CSTPP1: variants seen among roughly 807,000 people sequenced by gnomAD.
CSTPP1 encodes the protein centriolar satellite-associated tubulin polyglutamylase complex regulator 1.
chr11:47,052,231 C>G, the CSTPP1 span: 1 of 903,950 alleles, frequency 1.1e-6, no homozygotes, highest in Non-Finnish European at 1.6e-6. Context: ...AAGAGACTTC[C>G]CCATAGAAGG....
At chr11:47,083,047 C>T in the CSTPP1 span, among the ~76,000 whole-genome samples, 180 of 151,986 alleles carry the variant, frequency 1.2e-3, no homozygotes, top group African/African-American at 4.1e-3. Context: ...ACCTCACCCC[C>T]CAACAGGCCC....
At chr11:47,076,726 C>T in the CSTPP1 span, among the ~76,000 whole-genome samples, 975 of 151,894 alleles carry the variant, frequency 6.4e-3, 33 homozygotes, top group Admixed American at 0.056. Flanking sequence ...CCCAGCTACT[C>T]GGGAGACTGA....
chr11:46,956,119 A>G, the CSTPP1 span, among the ~76,000 whole-genome samples: 2 of 152,134 alleles, frequency 1.3e-5, no homozygotes, highest in Non-Finnish European at 1.5e-5. Context: ...AGACACTCCA[A>G]GCATTAAATG....
chr11:46,988,071 G>A, the CSTPP1 span, among the ~76,000 whole-genome samples: 1 of 152,148 alleles, frequency 6.6e-6, no homozygotes. Context: ...AACAAATGCT[G>A]GCGAGGATGT....
chr11:47,004,140 G>T, the CSTPP1 span, among the ~76,000 whole-genome samples: 2 of 143,740 alleles, frequency 1.4e-5, no homozygotes, highest in Non-Finnish European at 3.0e-5. Flanking sequence ...GTTTTTTGTT[G>T]TTGTTGTTGT....
At chr11:47,097,208 C>T in the CSTPP1 span, among the ~76,000 whole-genome samples, 1 of 119,904 alleles carries the variant, frequency 8.3e-6, no homozygotes, top group Non-Finnish European at 1.8e-5. Flanking sequence ...GGCGCCTCTG[C>T]CCAGCCGCCC....
At chr11:46,973,045 T>C in the CSTPP1 span, among the ~76,000 whole-genome samples, 1 of 152,196 alleles carries the variant, frequency 6.6e-6, no homozygotes, top group Admixed American at 6.5e-5. Flanking sequence ...CTTATCTGAC[T>C]CCTAGGTTTG....
chr11:47,075,343 C>G, the CSTPP1 span, among the ~76,000 whole-genome samples: 1 of 152,030 alleles, frequency 6.6e-6, no homozygotes, highest in Admixed American at 6.6e-5. Context: ...TGCACTTCAG[C>G]TTGGGCAACA....
the CSTPP1 span, chr11:47,123,070 C>A: frequency 1.6e-4 from 24 of 152,146 alleles, no homozygotes; most frequent in South Asian, 4.8e-3. Context: ...TTTTATTTTG[C>A]TCTTTCCTCT....
At chr11:47,020,923 G>C in the CSTPP1 span, among the ~76,000 whole-genome samples, 1 of 152,178 alleles carries the variant, frequency 6.6e-6, no homozygotes, top group Non-Finnish European at 1.5e-5. Context: ...CACTGTCTCT[G>C]TTTTGCAAGT....
chr11:47,138,145 G>A, the CSTPP1 span: 8 of 177,202 alleles, frequency 4.5e-5, no homozygotes, highest in Admixed American at 2.4e-4. Context: ...TCACAGTTCC[G>A]CGTGGCCTCA....
At chr11:46,946,210 T>C in the CSTPP1 span, among the ~76,000 whole-genome samples, 1 of 152,264 alleles carries the variant, frequency 6.6e-6, no homozygotes, top group East Asian at 1.9e-4. Context: ...TTAAAATTTT[T>C]GACTTTGTTT....
At chr11:47,026,399 G>T in the CSTPP1 span, among the ~76,000 whole-genome samples, 8 of 152,130 alleles carry the variant, frequency 5.3e-5, no homozygotes, top group Non-Finnish European at 1.2e-4. Context: ...GAAGGATCTT[G>T]TAGGAACAAG....
the CSTPP1 span, among the ~76,000 whole-genome samples, chr11:46,970,428 A>G: frequency 6.6e-6 from 1 of 150,950 alleles, no homozygotes; most frequent in Non-Finnish European, 1.5e-5. Flanking sequence ...AAATAAATAA[A>G]TAAAATTCAT....
chr11:47,128,266 G>C, the CSTPP1 span, among the ~76,000 whole-genome samples: 1 of 152,310 alleles, frequency 6.6e-6, no homozygotes, highest in East Asian at 1.9e-4. Flanking sequence ...TTTTAAGGTA[G>C]CACCTCAGGC....
At chr11:47,157,248 C>T in the CSTPP1 span, 2 of 1,533,732 alleles carry the variant, frequency 1.3e-6, no homozygotes, top group Non-Finnish European at 1.8e-6. Context: ...CCCCCAGCCC[C>T]CCAGCCCCAG....
chr11:46,979,716 C>T, the CSTPP1 span, among the ~76,000 whole-genome samples: 1 of 151,958 alleles, frequency 6.6e-6, no homozygotes, highest in Admixed American at 6.6e-5. Context: ...AGTTTGAGAC[C>T]AGCCTGGCCA....
the CSTPP1 span, among the ~76,000 whole-genome samples, chr11:46,979,771 A>C: frequency 6.6e-6 from 1 of 152,096 alleles, no homozygotes; most frequent in African/African-American, 2.4e-5. Context: ...AAATTAGCTG[A>C]GCATGGTGGC....
chr11:46,964,467 A>G, the CSTPP1 span, among the ~76,000 whole-genome samples: 1 of 152,006 alleles, frequency 6.6e-6, no homozygotes, highest in Non-Finnish European at 1.5e-5. Context: ...TTGTATTTTT[A>G]GTAGAGACGG....
Sources: allele counts gnomAD v4.1 joint callset (sites outside exome capture counted in the v4.1 genomes callset), GRCh38; gene constraint gnomAD v4.1.1; transcripts MANE v1.5; gene names NCBI Gene and HGNC (gene_info 2026-07-23, HGNC 2026-07-21).